RMND1: variants seen among roughly 807,000 people sequenced by gnomAD.
The protein encoded by RMND1 is required for meiotic nuclear division 1 homolog.
Under a neutral mutation model 54.0 loss-of-function variants are expected in RMND1, and 41 were observed. The observed-to-expected ratio is 0.76, with a 90% confidence interval of 0.59 to 0.98. The LOEUF (loss-of-function observed/expected upper bound fraction) is 0.98, where lower values mean the gene tolerates loss of function less well. RMND1 is among the 50% of genes least tolerant of loss of function. RMND1 has a pLI of 0.00. For missense variants in RMND1, 457 were observed against 532.0 expected, an observed-to-expected ratio of 0.86 and a Z score of 1.39; for synonymous variants, 183 against 181.7, an observed-to-expected ratio of 1.01 and a Z score of -0.06.
At chr6:151,436,419 C>A in intron 3 of RMND1, 27 bp downstream of exon 3, 2 of 1,613,084 alleles carry the variant, frequency 1.2e-6, no homozygotes, top group Non-Finnish European at 1.7e-6. Flanking sequence ...TTTTAACATA[C>A]TTGGCCCCAG....
At chr6:151,447,329 AAATTTT>A in intron 1 of RMND1, among the ~76,000 whole-genome samples, 1 of 112,352 alleles carries the variant, frequency 8.9e-6, no homozygotes, top group East Asian at 4.8e-4. Context: ...TTCATGAAAC[AAATTTT>A]TGGTGATGAT....
intron 6 of RMND1, among the ~76,000 whole-genome samples, chr6:151,425,390 A>T (rs1315525530): frequency 6.6e-6 from 1 of 151,938 alleles, no homozygotes; most frequent in African/African-American, 2.4e-5. Context: ...GATCCTAAGC[A>T]CTGAGGATTT....
chr6:151,405,644 A>G (rs578099557), intron 11 of RMND1, 76 bp downstream of exon 11: 3 of 741,388 alleles, frequency 4.0e-6, no homozygotes, highest in East Asian at 2.5e-5. Flanking sequence ...TTCTATCTCA[A>G]ACTATCTTAT....
At chr6:151,430,337 C>G (rs887583821) in intron 4 of RMND1, 160 bp from the exon 5 acceptor site, 1 of 518,850 alleles carries the variant, frequency 1.9e-6, no homozygotes, top group Non-Finnish European at 3.5e-6. Flanking sequence ...GGTGAACTTC[C>G]TACAATAAGA....
At chr6:151,448,360 T>C (rs1781024202) in intron 1 of RMND1, among the ~76,000 whole-genome samples, 1 of 151,752 alleles carries the variant, frequency 6.6e-6, no homozygotes, top group South Asian at 2.1e-4. Flanking sequence ...TTTCACTGTC[T>C]CTCACTCCCC....
intron 3 of RMND1, among the ~76,000 whole-genome samples, chr6:151,435,216 G>C (rs1429674107): frequency 6.6e-6 from 1 of 152,086 alleles, no homozygotes; most frequent in Non-Finnish European, 1.5e-5. Flanking sequence ...CATGATCTCA[G>C]CTCACTGCAA....
At position 151,417,349 on chromosome 6, in the gene RMND1, C is replaced by G; in HGVS notation, c.1130G>C (p.Trp377Ser). 1 of 1,613,176 alleles carries G rather than the reference C, an allele frequency of 6.2e-7. No homozygotes were observed. The highest frequency in any genetic ancestry group is 8.5e-7 in the Non-Finnish European group (1 of 1,179,464). ...SDFLITPDFY[W>S]DRENLEGLYD... The stretch of plus-strand genomic sequence containing the variant: ...AAGTCCTTCCAGGTTTTCTCTGTCC[C>G]AGTAGAAATCAGGAGTAATCAGGAA... The change falls in exon 10 of 12, where the codon TGG becomes TCG. Residue 377 changes from tryptophan to serine, a missense_variant. Trp to Ser is a radical substitution (Grantham distance 177). Transcript: ENST00000444024.
intron 4 of RMND1, 157 bp from the exon 5 acceptor site, chr6:151,430,334 T>C: frequency 3.8e-6 from 2 of 523,810 alleles, no homozygotes; most frequent in East Asian, 2.9e-5. Flanking sequence ...TTAGGTGAAC[T>C]TCCTACAATA....
chr6:151,449,534 G>C (rs1217280036), intron 1 of RMND1, among the ~76,000 whole-genome samples: 1 of 152,016 alleles, frequency 6.6e-6, no homozygotes, highest in Non-Finnish European at 1.5e-5. Flanking sequence ...CCAGGGATCT[G>C]AAAGGCTCAC....
intron 10 of RMND1, among the ~76,000 whole-genome samples, chr6:151,409,190 G>A (rs542537228): frequency 9.1e-4 from 139 of 152,316 alleles, no homozygotes; most frequent in African/African-American, 3.1e-3. Flanking sequence ...GGAAGATGAG[G>A]GGCTGTGTGG....
At chr6:151,417,811 A>G (rs1311890418) in intron 9 of RMND1, among the ~76,000 whole-genome samples, 1 of 142,550 alleles carries the variant, frequency 7.0e-6, no homozygotes, top group African/African-American at 2.6e-5. Context: ...TTTGTTTTCA[A>G]TTTTTTTTTT....
In RMND1 at chr6:151,405,196, T is replaced by C; in HGVS notation, c.*39A>G. On this transcript the variant is annotated 3_prime_UTR_variant, in exon 12 of 12. Coordinates refer to ENST00000444024, the MANE Select transcript of RMND1 (RefSeq NM_017909.4). ...AACATTTAATTTTTGATTGTAGAAC[T>C]TGAATATCTCTTGCAGTGACACTTT... 2 of 1,587,306 alleles carry C rather than the reference T, an allele frequency of 1.3e-6. No individual in the cohort carries two copies. The highest frequency in any genetic ancestry group is 1.7e-6 in the Non-Finnish European group (2 of 1,156,348).
intron 9 of RMND1, 166 bp downstream of exon 9, chr6:151,421,079 A>G: frequency 1.7e-6 from 1 of 581,856 alleles, no homozygotes; most frequent in East Asian, 2.9e-5. Context: ...ACACAGCCCA[A>G]CTACTTCTAA....
At chr6:151,405,533 CT>C (rs1441946102) in intron 11 of RMND1, among the ~76,000 whole-genome samples, 186 bp downstream of exon 11, 3 of 152,260 alleles carry the variant, frequency 2.0e-5, no homozygotes, top group Middle Eastern at 3.4e-3. Context: ...AAAGTGGAAC[CT>C]TTTCAAGAAT....
At chr6:151,405,678 A>C in intron 11 of RMND1, 42 bp downstream of exon 11, 1 of 984,170 alleles carries the variant, frequency 1.0e-6, no homozygotes, top group Middle Eastern at 2.1e-4. Flanking sequence ...GTATTTGTGA[A>C]AAGATGGTAA....
intron 10 of RMND1, among the ~76,000 whole-genome samples, chr6:151,413,410 C>G: frequency 6.6e-6 from 1 of 152,142 alleles, no homozygotes; most frequent in African/African-American, 2.4e-5. Context: ...GTGCATGCCA[C>G]CATGCCCGAC....
At chr6:151,443,472 T>C (rs140376298) in intron 2 of RMND1, among the ~76,000 whole-genome samples, 1 of 152,036 alleles carries the variant, frequency 6.6e-6, no homozygotes, top group East Asian at 1.9e-4. Flanking sequence ...CCACTACGCC[T>C]GGCTAATTTT....
Position 151,445,790 on chromosome 6 carries a change from C to T in RMND1, c.22G>A (p.Ala8Thr). The change falls in exon 2 of 12, where the codon GCC becomes ACC. Residue 8 changes from alanine (A) to threonine (T), a missense_variant. Coordinates refer to ENST00000444024, the MANE Select transcript of RMND1 (RefSeq NM_017909.4). Reference sequence around the variant, plus strand: ...AATATATGATGAGATCTGGCCACGGCTCTGAGGAGTGTGGCTGGCATTACC... The same window carrying T: ...AATATATGATGAGATCTGGCCACGGTTCTGAGGAGTGTGGCTGGCATTACC... The part of the protein sequence containing the change: MPATLLR[A>T]VARSHHILSK... The T allele has an allele frequency of 1.2e-6, 2 of 1,608,476 alleles. No homozygotes were observed. The highest frequency in any genetic ancestry group is 3.3e-5 in the Admixed American group (2 of 59,866).
intron 1 of RMND1, among the ~76,000 whole-genome samples, chr6:151,451,763 C>A (rs1392931847): frequency 1.3e-5 from 2 of 152,134 alleles, no homozygotes; most frequent in East Asian, 3.9e-4. Context: ...GGGAGTATGC[C>A]GTTCAATTCC....
Sources: gnomAD v4.1 joint callset for allele counts (sites outside exome capture counted in the v4.1 genomes callset) on GRCh38, gnomAD v4.1.1 for gene constraint, MANE v1.5 for transcripts, NCBI Gene and HGNC (gene_info 2026-07-23, HGNC 2026-07-21) for gene names.